The following CACNA1E variants were observed in gnomAD, a reference collection of about 807,000 sequenced individuals.
CACNA1E encodes the protein calcium voltage-gated channel subunit alpha1 E.
Under a neutral mutation model 259.2 loss-of-function variants are expected in CACNA1E, and 40 were observed. The observed-to-expected ratio is 0.15, with a 90% CI of 0.12 to 0.20. The LOEUF is 0.20. CACNA1E is among the 10% of genes least tolerant of loss of function. The probability of loss-of-function intolerance (pLI) is 1.00; values close to 1 mark genes in which losing one functional copy is unlikely to be tolerated. For synonymous variants in CACNA1E, 1,104 were observed against 1,138.5 expected (o/e 0.97, Z 0.61); for missense variants, 1,874 against 3,040.1 (o/e 0.62, Z 9.02).
chr1:181,627,410 G>T (rs1379377908), intron 6 of CACNA1E, among the ~76,000 whole-genome samples: 1 of 152,188 alleles, frequency 6.6e-6, no homozygotes, highest in African/African-American at 2.4e-5. Flanking sequence ...AAAATGTAAT[G>T]CATTATCAAA....
At chr1:181,527,804 C>G (rs1471437560) in intron 3 of CACNA1E, among the ~76,000 whole-genome samples, 1 of 152,130 alleles carries the variant, frequency 6.6e-6, no homozygotes, top group Non-Finnish European at 1.5e-5. Context: ...TTTCCAATTA[C>G]TTATCTGAGT....
At chr1:181,711,215 T>G in intron 8 of CACNA1E, 146 bp downstream of exon 8, 2 of 633,682 alleles carry the variant, frequency 3.2e-6, no homozygotes, top group Non-Finnish European at 5.7e-6. Context: ...TAAGGTTCCC[T>G]GCTCATCCGA....
At chr1:181,507,882 A>G (rs2102602975) in intron 1 of CACNA1E, among the ~76,000 whole-genome samples, 1 of 152,202 alleles carries the variant, frequency 6.6e-6, no homozygotes, top group East Asian at 1.9e-4. Flanking sequence ...TCCAGCTGTG[A>G]GGAGTGACCA....
chr1:181,348,848 A>G (rs1306983800), intron 1 of CACNA1E, among the ~76,000 whole-genome samples: 2 of 152,156 alleles, frequency 1.3e-5, no homozygotes, highest in African/African-American at 4.8e-5. Flanking sequence ...AGCAGCAGTG[A>G]GTTCTCATAT....
intron 6 of CACNA1E, among the ~76,000 whole-genome samples, chr1:181,642,218 AG>A (rs1257125998): frequency 5.9e-5 from 9 of 152,170 alleles, no homozygotes; most frequent in Non-Finnish European, 5.9e-5. Flanking sequence ...CTGTAAAATG[AG>A]GGGTTTGTGC....
chr1:181,747,326 C>G (rs1177482442), intron 25 of CACNA1E, among the ~76,000 whole-genome samples: 2 of 152,262 alleles, frequency 1.3e-5, no homozygotes, highest in Non-Finnish European at 2.9e-5. Flanking sequence ...GAAGAGGGGG[C>G]TGGGAGGTGA....
At chr1:181,699,699 G>C (rs1273772472) in intron 7 of CACNA1E, among the ~76,000 whole-genome samples, 1 of 152,162 alleles carries the variant, frequency 6.6e-6, no homozygotes, top group African/African-American at 2.4e-5. Flanking sequence ...GAAGCATCCA[G>C]GCAGGAGACA....
chr1:181,702,555 C>T (rs1652374750), intron 7 of CACNA1E, among the ~76,000 whole-genome samples: 1 of 152,222 alleles, frequency 6.6e-6, no homozygotes, highest in South Asian at 2.1e-4. Flanking sequence ...TATGGCCCTA[C>T]ATGATGGCCC....
chr1:181,366,862 C>A (rs934126908), intron 1 of CACNA1E, among the ~76,000 whole-genome samples: 3 of 152,188 alleles, frequency 2.0e-5, no homozygotes, highest in Non-Finnish European at 2.9e-5. Flanking sequence ...TGGCACTTAA[C>A]CTGTATGATC....
At chr1:181,784,060 A>G (rs1451695689) in intron 40 of CACNA1E, among the ~76,000 whole-genome samples, 2 of 152,306 alleles carry the variant, frequency 1.3e-5, no homozygotes, top group South Asian at 2.1e-4. Context: ...TTTATTGACC[A>G]GAGGTTAATT....
At chr1:181,318,544 G>T (rs1650090421) in intron 1 of CACNA1E, among the ~76,000 whole-genome samples, 1 of 152,188 alleles carries the variant, frequency 6.6e-6, no homozygotes, top group African/African-American at 2.4e-5. Context: ...GAGCAGGCTC[G>T]AGCCGCTGGG....
intron 25 of CACNA1E, 57 bp from the exon 26 acceptor site, chr1:181,750,419 T>C: frequency 6.4e-7 from 1 of 1,555,854 alleles, no homozygotes; most frequent in Non-Finnish European, 8.8e-7. Flanking sequence ...CCCAACCCCA[T>C]TTTTTTGTTT....
chr1:181,504,172 T>G (rs987779027), intron 1 of CACNA1E, among the ~76,000 whole-genome samples: 1 of 152,110 alleles, frequency 6.6e-6, no homozygotes. Context: ...AACATGAGAC[T>G]GAAGGGAGAA....
intron 1 of CACNA1E, among the ~76,000 whole-genome samples, chr1:181,400,497 C>T (rs2102079724): frequency 6.6e-6 from 1 of 152,234 alleles, no homozygotes; most frequent in East Asian, 1.9e-4. Context: ...CTCTCCCCCA[C>T]CACATCAGCT....
At chr1:181,325,910 T>C (rs1403296100) in intron 1 of CACNA1E, among the ~76,000 whole-genome samples, 1 of 152,120 alleles carries the variant, frequency 6.6e-6, no homozygotes, top group African/African-American at 2.4e-5. Context: ...CAGACAGGGA[T>C]TGGGTTCTGT....
intron 1 of CACNA1E, among the ~76,000 whole-genome samples, chr1:181,401,623 G>C (rs904449557): frequency 1.3e-5 from 2 of 152,156 alleles, no homozygotes; most frequent in East Asian, 1.9e-4. Context: ...CTCAAAAAAA[G>C]GAAGTTTATA....
At chr1:181,742,452 C>G (rs149834891) in intron 25 of CACNA1E, among the ~76,000 whole-genome samples, 32 of 152,336 alleles carry the variant, frequency 2.1e-4, no homozygotes, top group African/African-American at 7.2e-4. Context: ...TTCAAATAAC[C>G]TTATTCCTGT....
At chr1:181,695,664 A>G (rs3908959) in intron 7 of CACNA1E, among the ~76,000 whole-genome samples, 7 of 152,142 alleles carry the variant, frequency 4.6e-5, no homozygotes, top group African/African-American at 1.7e-4. Flanking sequence ...ATATTCATAT[A>G]AAAAAAGTGA....
At chr1:181,405,789 T>C (rs1422401674) in intron 1 of CACNA1E, among the ~76,000 whole-genome samples, 2 of 152,192 alleles carry the variant, frequency 1.3e-5, no homozygotes, top group East Asian at 1.9e-4. Flanking sequence ...ATACACCACT[T>C]CTAGGCCTTG....
Sources: gnomAD v4.1 joint callset for allele counts (sites outside exome capture counted in the v4.1 genomes callset) on GRCh38, gnomAD v4.1.1 for gene constraint, MANE v1.5 for transcripts, NCBI Gene and HGNC (gene_info 2026-07-23, HGNC 2026-07-21) for gene names.